WASHC2C: variants seen among roughly 807,000 people sequenced by gnomAD.
WASHC2C encodes WASH complex subunit 2C, also known as Vaccinia Penetration Factor.
Under a neutral mutation model 142.2 loss-of-function variants are expected in WASHC2C, and 73 were observed. The observed-to-expected ratio is 0.51, with a 90% CI of 0.43 to 0.62. WASHC2C has a LOEUF of 0.62. Ranked by LOEUF, WASHC2C falls within the 20% of genes least tolerant of loss-of-function variation. WASHC2C has a pLI of 0.00. For synonymous variants in WASHC2C, 337 were observed against 565.5 expected, an observed-to-expected ratio of 0.60 and a Z score of 5.73; for missense variants, 969 against 1,531.7, an observed-to-expected ratio of 0.63 and a Z score of 6.13.
chr10:45,743,583 C>A, intron 6 of WASHC2C, 100 bp downstream of exon 6: 1 of 1,306,626 alleles, frequency 7.7e-7, no homozygotes, highest in South Asian at 1.5e-5. Context: ...GTTCAAAGAA[C>A]TCTCATATAC....
At chr10:45,731,793 CTT>C (rs782728565) in intron 3 of WASHC2C, among the ~76,000 whole-genome samples, 2 of 109,842 alleles carry the variant, frequency 1.8e-5, no homozygotes, top group Non-Finnish European at 1.8e-5. Context: ...AGTGATCTGG[CTT>C]TTTTTTTTTT....
At chr10:45,749,851 A>ATATATATATATATATATATATATATATT (rs797033033) in intron 8 of WASHC2C, among the ~76,000 whole-genome samples, 11 of 108,118 alleles carry the variant, frequency 1.0e-4, no homozygotes, top group African/African-American at 4.1e-4. Flanking sequence ...ATATATATAT[A>ATATATATATATATATATATATATATATT]TATATTTATA....
intron 19 of WASHC2C, among the ~76,000 whole-genome samples, chr10:45,768,107 A>T (rs2056130640): frequency 6.6e-6 from 1 of 151,196 alleles, no homozygotes; most frequent in South Asian, 2.1e-4. Context: ...CTTGCCTGTA[A>T]TCCCAGCTAC....
intron 23 of WASHC2C, among the ~76,000 whole-genome samples, chr10:45,781,326 A>C (rs1324923349): frequency 6.6e-6 from 1 of 152,282 alleles, no homozygotes; most frequent in African/African-American, 2.4e-5. Context: ...CTCTATCAAA[A>C]TTCCAGCTTG....
At chr10:45,763,127 C>T (rs2135143728) in intron 17 of WASHC2C, among the ~76,000 whole-genome samples, 1 of 152,200 alleles carries the variant, frequency 6.6e-6, no homozygotes, top group East Asian at 1.9e-4. Flanking sequence ...TTCTGTCATT[C>T]AGGTGGGAAT....
chr10:45,735,594 A>G (rs569762482), intron 3 of WASHC2C, among the ~76,000 whole-genome samples: 25 of 152,326 alleles, frequency 1.6e-4, no homozygotes, highest in South Asian at 1.0e-3. Context: ...ATATTTTATT[A>G]GCGTTTGATT....
At chr10:45,783,523 A>C (rs188262025) in intron 23 of WASHC2C, among the ~76,000 whole-genome samples, 1 of 151,848 alleles carries the variant, frequency 6.6e-6, no homozygotes, top group Admixed American at 6.6e-5. Flanking sequence ...GTGCAGTGGC[A>C]TGATCTCGGC....
chr10:45,753,405 C>A lies in WASHC2C; in HGVS notation c.1180+168C>A, dbSNP rs1416941485. On this transcript the variant is annotated intron_variant, in intron 13 of 30. Transcript: ENST00000623400. ...GTAATTCATCTTCACTAATTCATGT[C>A]TTGGAAAAAACAGTACCATCTGTAA... Among the ~76,000 whole-genome samples the A allele has an allele frequency of 2.1e-5, 3 of 145,066 alleles. 1 individual carries two copies. The highest frequency in any genetic ancestry group is 8.0e-5 in the African/African-American group (3 of 37,306).
chr10:45,750,887 C>T lies in WASHC2C; in HGVS notation c.931+49C>T, dbSNP rs781837714. The T allele has an allele frequency of 4.7e-5, 71 of 1,497,580 alleles. No individual in the cohort carries two copies. The South Asian group carries it at 8.4e-4, about 18-fold the overall frequency. The allele number at this position is 1,497,580 out of a possible 1,614,324, so 92.8% of individuals were successfully genotyped here. A position where few individuals can be genotyped will look rare whatever the true frequency, so the allele number is the denominator to read the frequency against. On this transcript the variant is annotated intron_variant, in intron 10 of 30. Transcript: ENST00000623400. ...GGAGTAGGGGAGGAGTAGTGCAGGGCCCTCTGCTGGCTTCACCAAAGGCGG... is the reference window on the plus strand; with the variant it reads ...GGAGTAGGGGAGGAGTAGTGCAGGGTCCTCTGCTGGCTTCACCAAAGGCGG...
rs1554861044 is a variant in WASHC2C, at chr10:45,728,892, C to T, written c.157C>T (p.Gln53Ter). The change falls in exon 3 of 31, where the codon CAA (glutamine) becomes TAA (stop). Residue 53 changes from glutamine (Q) to a stop codon, truncating the protein, a stop_gained. Transcript: ENST00000623400. LOFTEE classifies it high-confidence loss of function. The part of the protein sequence containing the change: ...LLQFLQEFSQ[Q>*]TISRTHEIKK... Reference sequence around the variant, plus strand: ...ACAGTTTCTACAGGAATTCTCACAGCAAACTATCTCTAGGACCCATGAAAT... The same window carrying T: ...ACAGTTTCTACAGGAATTCTCACAGTAAACTATCTCTAGGACCCATGAAAT... 1 of 1,613,516 alleles carries T rather than the reference C, an allele frequency of 6.2e-7. No homozygotes were observed. Among genetic ancestry groups the T allele is most frequent in the African/African-American group, 1.3e-5 (1 of 74,976 alleles).
At chr10:45,731,984 G>A (rs551062787) in intron 3 of WASHC2C, among the ~76,000 whole-genome samples, 1 of 151,992 alleles carries the variant, frequency 6.6e-6, no homozygotes, top group East Asian at 1.9e-4. Context: ...TTTTAGTAGA[G>A]ATGGGGTTTC....
At position 45,738,035 on chromosome 10, in the gene WASHC2C, A is replaced by T. The variant is rs781812612; in HGVS notation, c.344A>T (p.Lys115Ile). Residue 115 changes from lysine (K) to isoleucine (I), a missense_variant, in exon 4 of 31, where the codon AAA (lysine) becomes ATA (isoleucine). By Grantham distance (102) the Lys-to-Ile change is moderately radical. Transcript: ENST00000623400. ...EEPVLKAEAE[K>I]TEQEKTREQK... ...CCAGTACTCAAGGCTGAGGCAGAAA[A>T]AACAGAGCAGGTACTTGTATAAAAT... 2 of 1,611,904 alleles carry T rather than the reference A, an allele frequency of 1.2e-6. No individual in the cohort carries two copies. The highest frequency in any genetic ancestry group is 1.7e-6 in the Non-Finnish European group (2 of 1,179,852).
At position 45,752,721 on chromosome 10, in the gene WASHC2C, C is replaced by G; in HGVS notation, c.1122+15C>G. On this transcript the variant is annotated intron_variant, in intron 12 of 30. Coordinates refer to ENST00000623400, the MANE Select transcript of WASHC2C (RefSeq NM_001330074.2). ...AGGACGAGGAGGTGAGTCCATGGCACCCAGCAACACTCCCTGCAGCTAGCT... is the reference window on the plus strand; with the variant it reads ...AGGACGAGGAGGTGAGTCCATGGCAGCCAGCAACACTCCCTGCAGCTAGCT... 4.4e-6 allele frequency: 7 copies of G among 1,606,190 alleles called. No individual in the cohort carries two copies. The highest frequency in any genetic ancestry group is 5.9e-6 in the Non-Finnish European group (7 of 1,176,782).
intron 19 of WASHC2C, among the ~76,000 whole-genome samples, chr10:45,766,240 A>T (rs1262415926): frequency 3.9e-5 from 6 of 152,394 alleles, no homozygotes; most frequent in Admixed American, 1.3e-4. Flanking sequence ...AATTTTATGC[A>T]GTCTGATGAA....
intron 1 of WASHC2C, 47 bp from the exon 2 acceptor site, chr10:45,727,370 C>G: frequency 6.2e-7 from 1 of 1,606,878 alleles, no homozygotes; most frequent in Non-Finnish European, 8.5e-7. Context: ...GGCCGCCGTC[C>G]CTGCCGCCCT....
rs1260116675 is a variant in WASHC2C, at chr10:45,761,422, G to A, written c.1636-1966G>A. 4.6e-5 allele frequency among the ~76,000 whole-genome samples: 7 copies of A among 152,160 alleles called. No homozygotes were observed. In the East Asian group the frequency reaches 1.3e-3, roughly 29 times the overall value. The stretch of plus-strand genomic sequence containing the variant: ...GGCCCATCCAGGTTTATGGGGAGAG[G>A]CCATAGGCTCCCCTTCTTGATGGTG... On this transcript the variant is annotated intron_variant, in intron 17 of 30. Coordinates refer to ENST00000623400, the MANE Select transcript of WASHC2C (RefSeq NM_001330074.2).
Position 45,757,110 on chromosome 10 carries a change from G to C in WASHC2C, c.1519G>C (p.Asp507His), listed in dbSNP as rs782459519. ...ASPEATVSQTDENKARAEKKV... is the reference protein window; with the variant it reads ...ASPEATVSQTHENKARAEKKV... Reference sequence around the variant, plus strand: ...GCCAGAAGCCACTGTGAGTCAGACAGATGAAAATAAAGCAAGAGCAGAAAA... The same window carrying C: ...GCCAGAAGCCACTGTGAGTCAGACACATGAAAATAAAGCAAGAGCAGAAAA... The change falls in exon 16 of 31, where the codon GAT becomes CAT. Residue 507 changes from aspartate (D) to histidine (H), a missense_variant. Transcript: ENST00000623400. The C allele has an allele frequency of 1.7e-5, 27 of 1,605,620 alleles. No individual in the cohort carries two copies. In the Admixed American group the frequency reaches 4.1e-4, roughly 25 times the overall value.
At chr10:45,784,242 G>GTATATATATA (rs2057746536) in intron 23 of WASHC2C, among the ~76,000 whole-genome samples, 7 of 38,094 alleles carry the variant, frequency 1.8e-4, no homozygotes, top group African/African-American at 5.6e-4. Flanking sequence ...ATATATATAT[G>GTATATATATA]TGTGTGTGTG....
At chr10:45,783,533 C>G (rs564712244) in intron 23 of WASHC2C, among the ~76,000 whole-genome samples, 3 of 152,190 alleles carry the variant, frequency 2.0e-5, no homozygotes, top group African/African-American at 7.2e-5. Context: ...ATGATCTCGG[C>G]CCACTGCAGC....
Sources: gnomAD v4.1 joint callset for allele counts (sites outside exome capture counted in the v4.1 genomes callset) on GRCh38, gnomAD v4.1.1 for gene constraint, MANE v1.5 for transcripts, NCBI Gene and HGNC (gene_info 2026-07-23, HGNC 2026-07-21) for gene names.